The following SHB variants were observed in gnomAD, a reference collection of about 807,000 sequenced individuals.
SHB encodes the protein SH2 domain-containing adapter protein B.
Under a neutral mutation model 52.3 loss-of-function variants are expected in SHB, and 20 were observed. The ratio of observed to expected loss-of-function variants is 0.38; its 90% CI spans 0.27 to 0.56. The LOEUF (loss-of-function observed/expected upper bound fraction) is 0.56, where lower values mean the gene tolerates loss of function less well. Ranked by LOEUF, SHB falls within the 20% of genes least tolerant of loss-of-function variation. The pLI is 0.71. For synonymous variants in SHB, 397 were observed against 316.5 expected (o/e 1.25, Z -2.70); for missense variants, 825 against 723.3 (o/e 1.14, Z -1.61).
intron 1 of SHB, among the ~76,000 whole-genome samples, chr9:38,059,667 C>G (rs113183428): frequency 1.3e-5 from 2 of 152,166 alleles, no homozygotes; most frequent in Non-Finnish European, 2.9e-5. Context: ...AATCAAAACA[C>G]GGGAAGAAGC....
At position 37,974,724 on chromosome 9, in the gene SHB, GGCTGACTGT is replaced by G; in HGVS notation, c.943_951del (p.Thr315_Ser317del). On this transcript the variant is annotated inframe_deletion, in exon 3 of 6. Transcript: ENST00000377707. ...GGCAGCTTGCTCTCCCGCAGTCGGG[GGCTGACTGT>G]GCTCTCCGAGTCTGAGTCAACACTT... is the stretch of plus-strand genomic sequence containing the variant. 2 of 1,614,070 alleles carry G rather than the reference GGCTGACTGT, an allele frequency of 1.2e-6. No homozygotes were observed. Among genetic ancestry groups the G allele is most frequent in the Non-Finnish European group, 1.7e-6 (2 of 1,179,968 alleles).
At chr9:38,046,333 CGT>C (rs1821651667) in intron 1 of SHB, among the ~76,000 whole-genome samples, 1 of 152,174 alleles carries the variant, frequency 6.6e-6, no homozygotes, top group Non-Finnish European at 1.5e-5. Flanking sequence ...CAACAGAAAC[CGT>C]GTTGCTGCAA....
At chr9:37,923,106 A>T (rs1048749357) in intron 5 of SHB, among the ~76,000 whole-genome samples, 1 of 152,204 alleles carries the variant, frequency 6.6e-6, no homozygotes, top group African/African-American at 2.4e-5. Flanking sequence ...TCTGGCCCAA[A>T]GTCACACAGT....
At chr9:38,051,353 G>T (rs746621674) in intron 1 of SHB, among the ~76,000 whole-genome samples, 3 of 150,144 alleles carry the variant, frequency 2.0e-5, no homozygotes, top group Non-Finnish European at 4.4e-5. Context: ...TGAGGCAGGA[G>T]AATCGCCTGA....
chr9:38,048,167 T>A (rs528942589), intron 1 of SHB, among the ~76,000 whole-genome samples: 1 of 152,200 alleles, frequency 6.6e-6, no homozygotes, highest in African/African-American at 2.4e-5. Context: ...AAATTTCCAA[T>A]AGTAATTAAA....
intron 1 of SHB, among the ~76,000 whole-genome samples, chr9:38,056,947 A>G (rs1821829004): frequency 6.6e-6 from 1 of 152,250 alleles, no homozygotes; most frequent in Non-Finnish European, 1.5e-5. Context: ...TGCAAATGCA[A>G]CTAACTTGCA....
intron 5 of SHB, among the ~76,000 whole-genome samples, chr9:37,924,106 T>C (rs1832216646): frequency 6.6e-6 from 1 of 152,254 alleles, no homozygotes; most frequent in African/African-American, 2.4e-5. Context: ...AAAGTCACAA[T>C]GAGAGGTGTC....
At chr9:38,062,041 A>T (rs1701167603) in intron 1 of SHB, among the ~76,000 whole-genome samples, 1 of 152,232 alleles carries the variant, frequency 6.6e-6, no homozygotes, top group Non-Finnish European at 1.5e-5. Context: ...TTCTAGGGAC[A>T]CCAAAGCAAA....
chr9:37,963,232 G>A (rs911134866), intron 3 of SHB, among the ~76,000 whole-genome samples: 1 of 152,200 alleles, frequency 6.6e-6, no homozygotes, highest in Admixed American at 6.5e-5. Flanking sequence ...AGAGGAGACT[G>A]GCATGGTTCT....
chr9:37,993,783 C>G (rs1223372469), intron 2 of SHB, among the ~76,000 whole-genome samples: 1 of 152,158 alleles, frequency 6.6e-6, no homozygotes, highest in African/African-American at 2.4e-5. Context: ...TACAGTCTCA[C>G]TTGGCAGGGA....
At chr9:37,962,084 C>T (rs973006736) in intron 3 of SHB, among the ~76,000 whole-genome samples, 2 of 152,186 alleles carry the variant, frequency 1.3e-5, no homozygotes, top group African/African-American at 4.8e-5. Flanking sequence ...TCTTAAACTT[C>T]TTTGAGCCTT....
At chr9:38,032,553 C>T (rs1409742056) in intron 1 of SHB, among the ~76,000 whole-genome samples, 1 of 152,198 alleles carries the variant, frequency 6.6e-6, no homozygotes, top group African/African-American at 2.4e-5. Flanking sequence ...TGCTGGAAGT[C>T]TCCCTTCCCC....
intron 2 of SHB, among the ~76,000 whole-genome samples, chr9:37,999,858 G>A (rs779643298): frequency 2.0e-5 from 3 of 152,196 alleles, no homozygotes; most frequent in East Asian, 1.9e-4. Flanking sequence ...ACCGGCTGTC[G>A]GAGGAGCTGC....
chr9:38,006,238 T>C (rs1292952693), intron 2 of SHB, among the ~76,000 whole-genome samples: 3 of 152,146 alleles, frequency 2.0e-5, no homozygotes, highest in African/African-American at 7.2e-5. Context: ...CCTAGATGAT[T>C]GCTATAGCCT....
chr9:37,977,773 G>A (rs988973242), intron 2 of SHB, among the ~76,000 whole-genome samples: 1 of 152,164 alleles, frequency 6.6e-6, no homozygotes, highest in African/African-American at 2.4e-5. Context: ...GCAGAATTCT[G>A]GGGGCTGAGG....
intron 2 of SHB, among the ~76,000 whole-genome samples, chr9:37,991,031 G>A (rs1820874420): frequency 6.6e-6 from 1 of 152,202 alleles, no homozygotes; most frequent in South Asian, 2.1e-4. Flanking sequence ...AAGCCTGTAT[G>A]CTGAATCTTC....
chr9:37,993,363 A>G (rs1455795385), intron 2 of SHB, among the ~76,000 whole-genome samples: 1 of 152,222 alleles, frequency 6.6e-6, no homozygotes, highest in Non-Finnish European at 1.5e-5. Context: ...TGAGACAGAA[A>G]ATATAACCTC....
chr9:37,938,964 G>T (rs1049577746), intron 5 of SHB, among the ~76,000 whole-genome samples: 1 of 152,122 alleles, frequency 6.6e-6, no homozygotes, highest in African/African-American at 2.4e-5. Context: ...GTTGCAGCCG[G>T]GAGAGCCACT....
chr9:38,019,817 T>C (rs1821260541), intron 1 of SHB, among the ~76,000 whole-genome samples: 1 of 152,278 alleles, frequency 6.6e-6, no homozygotes, highest in Non-Finnish European at 1.5e-5. Flanking sequence ...CCGAAACTAC[T>C]GCATCCATCA....
Sources: allele counts gnomAD v4.1 joint callset (sites outside exome capture counted in the v4.1 genomes callset), GRCh38; gene constraint gnomAD v4.1.1; transcripts MANE v1.5; gene names NCBI Gene and HGNC (gene_info 2026-07-23, HGNC 2026-07-21).